BANF2: variants seen among roughly 807,000 people sequenced by gnomAD.
The protein encoded by BANF2 is barrier-to-autointegration factor-like protein.
A neutral mutation model predicts 8.0 loss-of-function variants in BANF2; 4 were observed. The observed-to-expected ratio is 0.50, with a 90% confidence interval of 0.25 to 1.14. The LOEUF is 1.14. Among genes scored for constraint, BANF2 ranks in the 50% most tolerant of loss-of-function variants. The pLI, the probability that BANF2 is intolerant of heterozygous loss-of-function variation, is 0.16. For synonymous variants in BANF2, 50 were observed against 40.6 expected (o/e 1.23, Z -0.88); for missense variants, 96 against 107.5 (o/e 0.89, Z 0.47).
chr20:17,698,854 C>T (rs946755819), upstream of BANF2, among the ~76,000 whole-genome samples: 4 of 152,198 alleles, frequency 2.6e-5, no homozygotes, highest in African/African-American at 4.8e-5. Flanking sequence ...CAGCTTTGGC[C>T]CCAAAGCTAC....
intron 1 of BANF2, among the ~76,000 whole-genome samples, chr20:17,701,780 C>T (rs1378901626): frequency 1.3e-5 from 2 of 152,124 alleles, no homozygotes; most frequent in Non-Finnish European, 2.9e-5. Flanking sequence ...AAAGAGGAAC[C>T]CAGGCTGGTT....
chr20:17,728,241 G>A (rs974673013), intron 3 of BANF2, among the ~76,000 whole-genome samples: 3 of 152,158 alleles, frequency 2.0e-5, no homozygotes, highest in Non-Finnish European at 4.4e-5. Flanking sequence ...TTGTGACGGC[G>A]TTCCTGGCCT....
chr20:17,701,134 C>T (rs1181513492), intron 1 of BANF2, among the ~76,000 whole-genome samples: 1 of 152,144 alleles, frequency 6.6e-6, no homozygotes, highest in Admixed American at 6.5e-5. Flanking sequence ...CACACAAATC[C>T]AAGACGCCAA....
exon 1 of BANF2, chr20:17,693,692 C>T (rs887828993): frequency 1.3e-6 from 2 of 1,551,602 alleles, no homozygotes; most frequent in African/African-American, 2.7e-5. Context: ...GCGCTGAATG[C>T]TGCGAGGAAC....
chr20:17,719,819 T>G (rs1600222901), intron 1 of BANF2, among the ~76,000 whole-genome samples: 3 of 152,196 alleles, frequency 2.0e-5, no homozygotes, highest in South Asian at 2.1e-4. Context: ...GCCTGGTGAT[T>G]TGGGGGTAGA....
intron 1 of BANF2, among the ~76,000 whole-genome samples, chr20:17,719,944 A>T (rs2037706205): frequency 6.6e-6 from 1 of 152,186 alleles, no homozygotes. Context: ...TTGGAATTTT[A>T]TCAGATAGAA....
At chr20:17,724,869 A>C (rs1256567554) in intron 2 of BANF2, among the ~76,000 whole-genome samples, 154 bp from the exon 3 acceptor site, 1 of 152,212 alleles carries the variant, frequency 6.6e-6, no homozygotes, top group Admixed American at 6.5e-5. Flanking sequence ...GTGCACCTGC[A>C]TTTAGTAGAC....
rs1003681214 is a variant in BANF2, at chr20:17,722,855, C to T, written c.-27C>T. 15 of 985,254 alleles carry T rather than the reference C, an allele frequency of 1.5e-5. No homozygotes were observed. Among genetic ancestry groups the T allele is most frequent in the African/African-American group, 5.2e-5 (3 of 57,206 alleles). 61.0% of individuals were successfully genotyped at this position (985,254 alleles called of 1,614,324 possible). Reference sequence around the variant, plus strand: ...GTCCTTCAGAGCAAGAAGGCGTACACGAGGAGCTCGACTCTGTAGAAAGGT... The same window carrying T: ...GTCCTTCAGAGCAAGAAGGCGTACATGAGGAGCTCGACTCTGTAGAAAGGT... On this transcript the variant is annotated 5_prime_UTR_variant, in exon 2 of 4. It adds an upstream start codon to the 5' untranslated region. Transcript: ENST00000246090.
chr20:17,718,531 A>T (rs540902870), intron 1 of BANF2, among the ~76,000 whole-genome samples: 1 of 152,136 alleles, frequency 6.6e-6, no homozygotes, highest in Non-Finnish European at 1.5e-5. Context: ...GGTGGAAGAG[A>T]TGTCCCTTTT....
At chr20:17,706,953 G>A (rs2037489982) in intron 1 of BANF2, among the ~76,000 whole-genome samples, 1 of 152,210 alleles carries the variant, frequency 6.6e-6, no homozygotes, top group Non-Finnish European at 1.5e-5. Context: ...GCTAGGGCCA[G>A]GCATGACTTG....
At chr20:17,719,741 GT>G (rs1271234896) in intron 1 of BANF2, among the ~76,000 whole-genome samples, 2 of 150,952 alleles carry the variant, frequency 1.3e-5, no homozygotes, top group Non-Finnish European at 2.9e-5. Context: ...CTGCTCTGAA[GT>G]TCTCTGACTT....
intron 1 of BANF2, among the ~76,000 whole-genome samples, chr20:17,714,294 G>A (rs183498364): frequency 2.2e-4 from 33 of 152,122 alleles, no homozygotes; most frequent in Middle Eastern, 3.4e-3. Flanking sequence ...TCCATGAAGG[G>A]TGAACTAATA....
At chr20:17,731,254 C>T (rs2037889150) in intron 3 of BANF2, 1 of 151,982 alleles carries the variant, frequency 6.6e-6, no homozygotes, top group South Asian at 2.1e-4. Flanking sequence ...TAGAGTGAGA[C>T]TCTGTCTCAA....
intron 1 of BANF2, among the ~76,000 whole-genome samples, chr20:17,715,087 G>A (rs1171636359): frequency 6.6e-5 from 10 of 152,146 alleles, no homozygotes; most frequent in East Asian, 1.9e-4. Flanking sequence ...GCCCAATGTC[G>A]CTCTGCTGGT....
intron 1 of BANF2, among the ~76,000 whole-genome samples, chr20:17,701,151 A>G (rs1038670861): frequency 2.6e-5 from 4 of 152,186 alleles, no homozygotes; most frequent in African/African-American, 9.6e-5. Context: ...CCAATGGTTC[A>G]CCAAGCATGC....
chr20:17,712,723 T>C (rs1424104954), intron 1 of BANF2, among the ~76,000 whole-genome samples: 1 of 152,084 alleles, frequency 6.6e-6, no homozygotes, highest in East Asian at 1.9e-4. Context: ...CGAGACAACA[T>C]TGCTTTCCCC....
intron 3 of BANF2, among the ~76,000 whole-genome samples, chr20:17,735,104 TAAAAG>T (rs1290912181): frequency 1.3e-5 from 2 of 151,196 alleles, no homozygotes; most frequent in African/African-American, 2.4e-5. Context: ...AATAAACAAA[TAAAAG>T]AAAGAAAAGA....
intron 1 of BANF2, among the ~76,000 whole-genome samples, chr20:17,719,795 TGAG>T (rs2037704375): frequency 6.6e-6 from 1 of 152,086 alleles, no homozygotes; most frequent in South Asian, 2.1e-4. Flanking sequence ...TGATGGCTAA[TGAG>T]GACATGATGC....
intron 1 of BANF2, among the ~76,000 whole-genome samples, chr20:17,713,586 C>A (rs2037608339): frequency 6.6e-6 from 1 of 151,892 alleles, no homozygotes. Flanking sequence ...ATAATCCCAG[C>A]ACTTTGGAAA....
Sources: allele counts gnomAD v4.1 joint callset (sites outside exome capture counted in the v4.1 genomes callset), GRCh38; gene constraint gnomAD v4.1.1; transcripts MANE v1.5; gene names NCBI Gene and HGNC (gene_info 2026-07-23, HGNC 2026-07-21).